Variants in TENM2 observed in about 807,000 individuals in gnomAD.
TENM2 encodes teneurin-2.
Under a neutral mutation model 245.2 loss-of-function variants are expected in TENM2, and 52 were observed. The observed-to-expected ratio is 0.21, with a 90% CI of 0.17 to 0.27. The LOEUF (loss-of-function observed/expected upper bound fraction) is 0.27, where lower values mean the gene tolerates loss of function less well. Among genes scored for constraint, TENM2 ranks in the 10% least tolerant of loss-of-function variants. The pLI, the probability that TENM2 is intolerant of heterozygous loss-of-function variation, is 1.00. For missense variants in TENM2, 3,046 were observed against 3,666.8 expected, an observed-to-expected ratio of 0.83 and a Z score of 4.37; for synonymous variants, 1,363 against 1,438.9, an observed-to-expected ratio of 0.95 and a Z score of 1.19.
At chr5:168,027,810 G>A (rs1786760546) in intron 5 of TENM2, among the ~76,000 whole-genome samples, 1 of 152,056 alleles carries the variant, frequency 6.6e-6, no homozygotes, top group Non-Finnish European at 1.5e-5. Context: ...TAGCTTTATT[G>A]TTTTCCCCTG....
At chr5:167,170,723 A>G in the TENM2 span, among the ~76,000 whole-genome samples, 1 of 152,162 alleles carries the variant, frequency 6.6e-6, no homozygotes, top group East Asian at 1.9e-4. Flanking sequence ...AACCCACTTC[A>G]GTAAGACTTT....
At chr5:167,350,657 T>TATATATGGGATACATATATGG (rs2127840989) in intron 1 of TENM2, among the ~76,000 whole-genome samples, 1 of 144,686 alleles carries the variant, frequency 6.9e-6, no homozygotes, top group Non-Finnish European at 1.5e-5. Flanking sequence ...TATATGGATA[T>TATATATGGGATACATATATGG]ATATATGGGA....
chr5:167,459,200 G>A (rs1368406222), intron 2 of TENM2, among the ~76,000 whole-genome samples: 4 of 152,068 alleles, frequency 2.6e-5, no homozygotes, highest in African/African-American at 9.7e-5. Flanking sequence ...TTGTTTCTAT[G>A]AATTTAACTC....
chr5:167,013,637 G>T, the TENM2 span, among the ~76,000 whole-genome samples: 8 of 152,092 alleles, frequency 5.3e-5, no homozygotes, highest in Admixed American at 4.6e-4. Flanking sequence ...AACCCAGAGA[G>T]GGGAGGTTGC....
rs141103827 is a variant in TENM2 at position 168,204,594 on chromosome 5, G to A, written c.3797G>A (p.Arg1266Gln). ...TACATCCGACGCATCTTTCCCTCTC[G>A]AAATGTGACCAGCATCTTGGAGTTA... Residue 1266 changes from arginine (R) to glutamine (Q), a missense_variant, in exon 19 of 29, where the codon CGA (arginine) becomes CAA (glutamine). This residue lies in a region of TENM2 where 2,704 missense variants were observed against 3,331.9 expected (regional missense o/e 0.81). Transcript: ENST00000518659. 4.6e-3 allele frequency: 7,356 copies of A among 1,613,954 alleles called. 30 individuals carry two copies. The highest frequency in any genetic ancestry group is 0.014 in the South Asian group (1,292 of 91,086).
At chr5:167,472,952 T>G (rs1257925566) in intron 2 of TENM2, among the ~76,000 whole-genome samples, 1 of 152,062 alleles carries the variant, frequency 6.6e-6, no homozygotes, top group Non-Finnish European at 1.5e-5. Flanking sequence ...ATTTAATAAC[T>G]TTTCTATGTC....
At chr5:167,476,607 T>G (rs566136941) in intron 2 of TENM2, among the ~76,000 whole-genome samples, 1 of 152,286 alleles carries the variant, frequency 6.6e-6, no homozygotes, top group South Asian at 2.1e-4. Context: ...TTTTTGTTTT[T>G]TTGTTTTGAG....
At chr5:167,596,382 G>A (rs1321902886) in intron 2 of TENM2, among the ~76,000 whole-genome samples, 1 of 152,060 alleles carries the variant, frequency 6.6e-6, no homozygotes, top group Non-Finnish European at 1.5e-5. Flanking sequence ...TCCCCCCCAA[G>A]GACCTCCCTA....
At chr5:167,489,618 G>C (rs1768300467) in intron 2 of TENM2, among the ~76,000 whole-genome samples, 1 of 152,100 alleles carries the variant, frequency 6.6e-6, no homozygotes, top group Non-Finnish European at 1.5e-5. Context: ...ATACTCTACA[G>C]TATGCTAGTT....
chr5:167,175,019 G>A, the TENM2 span, among the ~76,000 whole-genome samples: 4 of 151,592 alleles, frequency 2.6e-5, no homozygotes, highest in Admixed American at 6.6e-5. Flanking sequence ...TTTTAAAACC[G>A]AACATTTATG....
rs535674876 is a variant in TENM2 at position 167,952,612 on chromosome 5, C to T, written c.737C>T (p.Ser246Leu). ...GGCCCTCCGAACCACCACAGCCAGT[C>T]GACTCTGAGGCCCCCTCTCCCACCC... Residue 246 changes from serine to leucine, a missense_variant, in exon 4 of 29, where the codon TCG (serine) becomes TTG (leucine). By Grantham distance (145) the Ser-to-Leu change is moderately radical (BLOSUM62 -2). Transcript: ENST00000518659. The T allele has an allele frequency of 5.6e-6, 9 of 1,611,692 alleles. No individual in the cohort carries two copies. Among genetic ancestry groups the T allele is most frequent in the Non-Finnish European group, 7.6e-6 (9 of 1,179,224 alleles).
chr5:167,859,043 G>A (rs1302397061), intron 2 of TENM2, among the ~76,000 whole-genome samples: 54 of 150,016 alleles, frequency 3.6e-4, no homozygotes, highest in Non-Finnish European at 5.1e-4. Flanking sequence ...CCGCCCGGCC[G>A]CCATCACATC....
chr5:167,334,566 C>T lies in TENM2; in HGVS notation c.227-40632C>T, dbSNP rs533568464. 1.3e-3 allele frequency among the ~76,000 whole-genome samples: 203 copies of T among 152,260 alleles called. 2 individuals carry two copies. The highest frequency in any genetic ancestry group is 4.6e-3 in the African/African-American group (190 of 41,566). On this transcript the variant is annotated intron_variant, in intron 1 of 28. Transcript: ENST00000518659. The stretch of plus-strand genomic sequence containing the variant: ...GAATTCTCATTCAATAGTGCATTTT[C>T]TCTTTCTTTGTCTCTCTTTCCTTTT...
At chr5:167,304,473 C>A (rs956740236) in intron 1 of TENM2, among the ~76,000 whole-genome samples, 4 of 152,130 alleles carry the variant, frequency 2.6e-5, no homozygotes, top group Non-Finnish European at 5.9e-5. Flanking sequence ...CTGTGTAGAA[C>A]AAAACAAGAC....
chr5:167,490,307 C>T (rs1349893048), intron 2 of TENM2, among the ~76,000 whole-genome samples: 5 of 152,040 alleles, frequency 3.3e-5, no homozygotes, highest in African/African-American at 1.2e-4. Flanking sequence ...ATAAAAATTG[C>T]AAAGACAGAA....
intron 2 of TENM2, among the ~76,000 whole-genome samples, chr5:167,701,172 T>A (rs1758116795): frequency 1.3e-5 from 2 of 152,160 alleles, no homozygotes; most frequent in South Asian, 4.1e-4. Context: ...CTATGGAAAA[T>A]GTAATTTTTG....
chr5:167,445,890 T>C (rs1765179347), intron 2 of TENM2, among the ~76,000 whole-genome samples: 1 of 152,146 alleles, frequency 6.6e-6, no homozygotes, highest in Non-Finnish European at 1.5e-5. Context: ...CCACAGTCTG[T>C]TCAGTCTGGC....
intron 2 of TENM2, among the ~76,000 whole-genome samples, chr5:167,779,003 G>A (rs1020568693): frequency 6.6e-6 from 1 of 152,202 alleles, no homozygotes; most frequent in Non-Finnish European, 1.5e-5. Context: ...CTGTCACCCA[G>A]AGTTCAGAGT....
In TENM2 at chr5:168,188,841, A is replaced by G. The variant is rs763536345; in HGVS notation, c.2570-1496A>G. On this transcript the variant is annotated intron_variant, in intron 13 of 28. Coordinates refer to ENST00000518659, the Ensembl canonical transcript of TENM2. ...TATTCTTCCTGCAGGATTCTGATGC[A>G]GAATGCTTCTTTGAGAACCTCTGAT... Among the ~76,000 whole-genome samples the G allele has an allele frequency of 6.0e-4, 92 of 152,328 alleles. 1 individual carries two copies. The highest frequency in any genetic ancestry group is 6.8e-3 in the Middle Eastern group (2 of 294).
Sources: allele counts gnomAD v4.1 joint callset (sites outside exome capture counted in the v4.1 genomes callset), GRCh38; gene constraint gnomAD v4.1.1; regional missense constraint gnomAD v4.1.1; transcripts MANE v1.5; gene names NCBI Gene and HGNC (gene_info 2026-07-23, HGNC 2026-07-21).